GTF3C5: variants seen among roughly 807,000 people sequenced by gnomAD.
The protein encoded by GTF3C5 is general transcription factor 3C polypeptide 5.
In GTF3C5, 47 loss-of-function variants were observed where a neutral mutation model predicts 61.0. The ratio of observed to expected loss-of-function variants is 0.77; its 90% CI spans 0.61 to 0.98. The LOEUF (loss-of-function observed/expected upper bound fraction) is 0.98, where lower values mean the gene tolerates loss of function less well. Ranked by LOEUF, GTF3C5 falls within the 50% of genes least tolerant of loss-of-function variation. The pLI, the probability that GTF3C5 is intolerant of heterozygous loss-of-function variation, is 0.00. For synonymous variants in GTF3C5, 295 were observed against 275.4 expected (o/e 1.07, Z -0.71); for missense variants, 659 against 703.3 (o/e 0.94, Z 0.71).
intron 2 of GTF3C5, among the ~76,000 whole-genome samples, chr9:133,042,697 T>G (rs984600887): frequency 3.9e-5 from 6 of 152,180 alleles, no homozygotes; most frequent in Non-Finnish European, 8.8e-5. Flanking sequence ...TGGGACCTCC[T>G]CCTCCTCTGA....
At chr9:133,046,647 C>T (rs1256212342) in intron 3 of GTF3C5, among the ~76,000 whole-genome samples, 1 of 152,144 alleles carries the variant, frequency 6.6e-6, no homozygotes, top group Admixed American at 6.5e-5. Flanking sequence ...AGCTGGGGTG[C>T]AGTGCAGGGG....
chr9:133,049,632 C>T (rs1436697043), intron 3 of GTF3C5, among the ~76,000 whole-genome samples: 1 of 152,130 alleles, frequency 6.6e-6, no homozygotes, highest in Non-Finnish European at 1.5e-5. Flanking sequence ...TTACACTGGC[C>T]TGCCTGCTTT....
intron 5 of GTF3C5, among the ~76,000 whole-genome samples, chr9:133,052,807 T>G (rs2119026191): frequency 6.6e-6 from 1 of 152,268 alleles, no homozygotes; most frequent in Non-Finnish European, 1.5e-5. Context: ...CCTGTGCTGC[T>G]TGGCGTTGGC....
chr9:133,034,348 C>T (rs2118969073), intron 1 of GTF3C5, among the ~76,000 whole-genome samples: 1 of 152,320 alleles, frequency 6.6e-6, no homozygotes, highest in Non-Finnish European at 1.5e-5. Flanking sequence ...GGATACTTAA[C>T]TACATCGGAT....
intron 9 of GTF3C5, 128 bp from the exon 10 acceptor site, chr9:133,056,638 T>C: frequency 1.2e-6 from 1 of 844,856 alleles, no homozygotes; most frequent in Non-Finnish European, 1.8e-6. Flanking sequence ...AGTTCCTCTC[T>C]GTAGACTTCG....
At chr9:133,055,408 C>A (rs751298257) in intron 8 of GTF3C5, 2 of 1,280,202 alleles carry the variant, frequency 1.6e-6, no homozygotes, top group South Asian at 1.3e-5. Context: ...GACTTGCTGT[C>A]CCCCAGTGTC....
rs758491450 is a variant in GTF3C5 at position 133,057,841 on chromosome 9, A to G, written c.1421A>G (p.Asp474Gly). Residue 474 changes from aspartate to glycine, a missense_variant, in exon 11 of 11, where the codon GAT becomes GGT. Coordinates refer to ENST00000372097, the MANE Select transcript of GTF3C5 (RefSeq NM_012087.4). ...PALFSSSAKA[D>G]GGKEQLTYES... ...CTCTTTTCCAGCTCAGCCAAGGCTG[A>G]TGGCGGAAAAGAGCAGCTGACGTAC... 1 of 1,612,254 alleles carries G rather than the reference A, an allele frequency of 6.2e-7. No homozygotes were observed. The highest frequency in any genetic ancestry group is 1.1e-5 in the South Asian group (1 of 90,926).
Position 133,050,921 on chromosome 9 carries a change from G to A in GTF3C5, c.711G>A (p.Thr237=), listed in dbSNP as rs1462362066. Residue 237 remains threonine (T), a synonymous_variant, in exon 4 of 11, where the codon ACG becomes ACA. Coordinates refer to ENST00000372097, the MANE Select transcript of GTF3C5 (RefSeq NM_012087.4). ...AGCCACTGGAGGCTGCAGCCCAGAC[G>A]TGGAGGAGAGTCTGCACTAACCCCG... The part of the protein sequence containing the change: ...PKQPLEAAAQ[T]WRRVCTNPVD... 21 of 1,613,652 alleles carry A rather than the reference G, an allele frequency of 1.3e-5. No homozygotes were observed. The highest frequency in any genetic ancestry group is 4.5e-5 in the East Asian group (2 of 44,832).
rs747415175 is a variant in GTF3C5, at chr9:133,057,881, C to CGAGGAGGATGAGGAG, written c.1470_1484dup (p.Asp490_Glu494dup). The CGAGGAGGATGAGGAG allele has an allele frequency of 1.9e-6, 3 of 1,613,536 alleles. No individual in the cohort carries two copies. Among genetic ancestry groups the CGAGGAGGATGAGGAG allele is most frequent in the Admixed American group, 3.3e-5 (2 of 60,010 alleles). ...AGCTGACGTACGAGTCTGGGGAAGACGAGGAGGATGAGGAGGAGGAGGAAG... is the reference window on the plus strand; with the variant it reads ...AGCTGACGTACGAGTCTGGGGAAGACGAGGAGGATGAGGAGGAGGAGGATGAGGAGGAGGAGGAAG... On this transcript the variant is annotated inframe_insertion, in exon 11 of 11. Transcript: ENST00000372097.
intron 3 of GTF3C5, among the ~76,000 whole-genome samples, chr9:133,047,584 C>T (rs1328555398): frequency 2.0e-5 from 3 of 151,586 alleles, no homozygotes; most frequent in Admixed American, 6.6e-5. Flanking sequence ...TGCAGTGGCG[C>T]GATCTCGGCT....
chr9:133,057,973 A>G lies in GTF3C5; in HGVS notation c.1553A>G (p.Tyr518Cys). 6.2e-7 allele frequency: 1 copy of G among 1,613,936 alleles called. No homozygotes were observed. Among genetic ancestry groups the G allele is most frequent in the South Asian group, 1.1e-5 (1 of 91,076 alleles). ...GAAATGGAGACAGAGATTCTGGACT[A>G]CGTGTGACAGGGCCCAAGGCTGGGC... ...ENEMETEILD[Y>C]V The change falls in exon 11 of 11, where the codon TAC (tyrosine) becomes TGC (cysteine). Residue 518 changes from tyrosine (Y) to cysteine (C), a missense_variant. Tyr to Cys is a radical substitution (Grantham distance 194). Coordinates refer to ENST00000372097, the MANE Select transcript of GTF3C5 (RefSeq NM_012087.4).
chr9:133,055,529 C>T (rs755562783), intron 8 of GTF3C5: 42 of 1,195,046 alleles, frequency 3.5e-5, no homozygotes, highest in Middle Eastern at 6.7e-4. Context: ...CCTAGGAGGC[C>T]GTTATCCTTA....
At chr9:133,043,627 A>G in intron 2 of GTF3C5, 101 bp from the exon 3 acceptor site, 1 of 908,260 alleles carries the variant, frequency 1.1e-6, no homozygotes, top group Non-Finnish European at 1.8e-6. Context: ...CCTCCACCAC[A>G]TGGCCCACTC....
intron 9 of GTF3C5, among the ~76,000 whole-genome samples, chr9:133,056,495 C>A (rs1829943648): frequency 6.6e-6 from 1 of 152,216 alleles, no homozygotes; most frequent in Admixed American, 6.5e-5. Context: ...TCAAATACAT[C>A]TTGAACTCTG....
At chr9:133,043,246 A>AT (rs1473759599) in intron 2 of GTF3C5, among the ~76,000 whole-genome samples, 8 of 152,168 alleles carry the variant, frequency 5.3e-5, no homozygotes, top group Non-Finnish European at 1.2e-4. Flanking sequence ...TTCCCAAGTG[A>AT]TTCATAAAAC....
chr9:133,049,137 C>T (rs906876270), intron 3 of GTF3C5, among the ~76,000 whole-genome samples: 2 of 152,182 alleles, frequency 1.3e-5, no homozygotes, highest in Non-Finnish European at 2.9e-5. Context: ...ACCCTTCGAC[C>T]CCTGCCAGCA....
At chr9:133,042,406 C>T (rs1850065580) in intron 2 of GTF3C5, 100 bp downstream of exon 2, 1 of 799,332 alleles carries the variant, frequency 1.3e-6, no homozygotes, top group Admixed American at 2.0e-5. Flanking sequence ...TGGAGGGGGC[C>T]AGGATATGCC....
chr9:133,045,852 G>A (rs996821415), intron 3 of GTF3C5, among the ~76,000 whole-genome samples: 5 of 152,102 alleles, frequency 3.3e-5, no homozygotes, highest in Admixed American at 2.6e-4. Context: ...GGCCAGGCTG[G>A]TCTCGAACTC....
Position 133,057,821 on chromosome 9 carries a change from T to G in GTF3C5, c.1401T>G (p.Phe467Leu), listed in dbSNP as rs1261175279. 1 of 1,603,954 alleles carries G rather than the reference T, an allele frequency of 6.2e-7. No homozygotes were observed. Among genetic ancestry groups the G allele is most frequent in the African/African-American group, 1.3e-5 (1 of 74,716 alleles). Residue 467 changes from phenylalanine (F) to leucine (L), a missense_variant, in exon 11 of 11, where the codon TTT (phenylalanine) becomes TTG (leucine). Phe to Leu is a conservative substitution (Grantham distance 22). Coordinates refer to ENST00000372097, the MANE Select transcript of GTF3C5 (RefSeq NM_012087.4). ...TGTCTCCTCCGGCCCCAGCTCTCTTTTCCAGCTCAGCCAAGGCTGATGGCG... is the reference window on the plus strand; with the variant it reads ...TGTCTCCTCCGGCCCCAGCTCTCTTGTCCAGCTCAGCCAAGGCTGATGGCG... ...QTIRSKRPAL[F>L]SSSAKADGGK... is the part of the protein sequence containing the mutation.
Sources: gnomAD v4.1 joint callset for allele counts (sites outside exome capture counted in the v4.1 genomes callset) on GRCh38, gnomAD v4.1.1 for gene constraint, MANE v1.5 for transcripts, NCBI Gene and HGNC (gene_info 2026-07-23, HGNC 2026-07-21) for gene names.